NFXL1: variants seen among roughly 807,000 people sequenced by gnomAD.
The protein encoded by NFXL1 is NF-X1-type zinc finger protein NFXL1.
NFXL1 carries 66 observed loss-of-function variants against 123.3 expected under a neutral mutation model. The observed-to-expected ratio is 0.54, with a 90% CI of 0.44 to 0.66. The LOEUF is 0.66. Among genes scored for constraint, NFXL1 ranks in the 30% least tolerant of loss-of-function variants. NFXL1 has a pLI of 0.00. For missense variants in NFXL1, 944 were observed against 1,125.6 expected (o/e 0.84, Z 2.31); for synonymous variants, 346 against 360.8 (o/e 0.96, Z 0.46).
At chr4:47,877,669 C>G (rs1182795796) in intron 17 of NFXL1, among the ~76,000 whole-genome samples, 1 of 151,988 alleles carries the variant, frequency 6.6e-6, no homozygotes, top group Non-Finnish European at 1.5e-5. Flanking sequence ...AAAAGCAATA[C>G]ATTTACACAT....
At position 47,900,345 on chromosome 4, in the gene NFXL1, G is replaced by A. The variant is rs115556747; in HGVS notation, c.648-797C>T. Among the ~76,000 whole-genome samples the A allele has an allele frequency of 4.2e-3, 636 of 152,134 alleles. 4 individuals carry two copies. The highest frequency in any genetic ancestry group is 5.1e-3 in the Non-Finnish European group (344 of 67,996). On this transcript the variant is annotated intron_variant, in intron 5 of 22. Transcript: ENST00000507489. ...GTGCCTCAGTGTCCCAAGTAGCTGC[G>A]AATACAGGTGCACGCCACCACGTCC...
chr4:47,896,291 C>CTTTTA, intron 10 of NFXL1, among the ~76,000 whole-genome samples: 1 of 152,256 alleles, frequency 6.6e-6, no homozygotes, highest in East Asian at 1.9e-4. Flanking sequence ...TACCATAAAC[C>CTTTTA]TTCAATTTAT....
intron 22 of NFXL1, 48 bp from the exon 23 acceptor site, chr4:47,848,384 T>A: frequency 7.3e-6 from 10 of 1,365,862 alleles, no homozygotes; most frequent in Non-Finnish European, 1.0e-5. Context: ...CATACATTGA[T>A]TTGAAAGTTT....
At chr4:47,865,996 CAG>C (rs1282696447) in intron 18 of NFXL1, among the ~76,000 whole-genome samples, 2 of 151,576 alleles carry the variant, frequency 1.3e-5, no homozygotes, top group South Asian at 4.2e-4. Context: ...GTCTGGGAGA[CAG>C]AGAGACACCT....
At chr4:47,859,840 T>C (rs1363466872) in intron 19 of NFXL1, among the ~76,000 whole-genome samples, 2 of 26,946 alleles carry the variant, frequency 7.4e-5, no homozygotes, top group Non-Finnish European at 5.6e-5. Flanking sequence ...AGACTCCATC[T>C]CAAAAAAAAA....
At chr4:47,850,275 T>G (rs1476516122) in intron 22 of NFXL1, among the ~76,000 whole-genome samples, 1 of 152,150 alleles carries the variant, frequency 6.6e-6, no homozygotes, top group South Asian at 2.1e-4. Flanking sequence ...AAAGGTCACC[T>G]TGGCCAACCA....
intron 8 of NFXL1, 54 bp from the exon 9 acceptor site, chr4:47,898,135 G>T: frequency 9.2e-7 from 1 of 1,083,866 alleles, no homozygotes; most frequent in South Asian, 1.4e-5. Flanking sequence ...AACAAAAAAA[G>T]ACTTCATACA....
Position 47,878,520 on chromosome 4 carries a change from A to G in NFXL1, c.2079+5T>C. On this transcript the variant is annotated splice_donor_5th_base_variant and intron_variant, in intron 17 of 22. Transcript: ENST00000507489. ...GCAGATATACATTCAATCTAAGAAC[A>G]TTACCTTGTTTTTTCCAGTGCAGCC... 1 of 1,566,234 alleles carries G rather than the reference A, an allele frequency of 6.4e-7. No homozygotes were observed. The highest frequency in any genetic ancestry group is 8.6e-7 in the Non-Finnish European group (1 of 1,156,988).
At position 47,904,089 on chromosome 4, in the gene NFXL1, C is replaced by G. The variant is rs116173446; in HGVS notation, c.517-766G>C. Reference sequence around the variant, plus strand: ...GTTTGGGTTACCCCCAAAGCGGTATCTAAGAACTTGGATGCAGGAGTAAGG... The same window carrying G: ...GTTTGGGTTACCCCCAAAGCGGTATGTAAGAACTTGGATGCAGGAGTAAGG... On this transcript the variant is annotated intron_variant, in intron 4 of 22. Coordinates refer to ENST00000507489, the MANE Select transcript of NFXL1 (RefSeq NM_001278624.2). Among the ~76,000 whole-genome samples, 590 of 152,218 alleles carry G rather than the reference C, an allele frequency of 3.9e-3. 5 individuals are homozygous for G. Among genetic ancestry groups the G allele is most frequent in the Non-Finnish European group, 4.6e-3 (315 of 68,004 alleles).
chr4:47,891,510 T>A (rs1736768648), intron 11 of NFXL1, among the ~76,000 whole-genome samples: 1 of 152,192 alleles, frequency 6.6e-6, no homozygotes. Context: ...TTCCCTGGTT[T>A]CACAGACACT....
chr4:47,889,295 T>C (rs1053181009), intron 12 of NFXL1, among the ~76,000 whole-genome samples: 10 of 152,054 alleles, frequency 6.6e-5, no homozygotes, highest in African/African-American at 2.4e-4. Flanking sequence ...TAAAAGAAAA[T>C]AAAATCTTTC....
intron 10 of NFXL1, among the ~76,000 whole-genome samples, chr4:47,894,689 T>C (rs1157687887): frequency 6.6e-6 from 1 of 152,054 alleles, no homozygotes. Flanking sequence ...GAATGACACA[T>C]ACAACTTTAA....
intron 18 of NFXL1, among the ~76,000 whole-genome samples, chr4:47,864,374 T>C (rs1734936385): frequency 6.6e-6 from 1 of 152,060 alleles, no homozygotes; most frequent in African/African-American, 2.4e-5. Context: ...GGCATGCCAT[T>C]AAAACTAAAA....
rs778091277 is a variant in NFXL1, at chr4:47,914,185, G to C, written c.19C>G (p.Gln7Glu). The change falls in exon 2 of 23, where the codon CAG becomes GAG. Residue 7 changes from glutamine to glutamate, a missense_variant. By Grantham distance (29) the Gln-to-Glu change is conservative. This residue lies in a region of NFXL1 where 303 missense variants were observed against 292.1 expected (regional missense o/e 1.04). Coordinates refer to ENST00000507489, the MANE Select transcript of NFXL1 (RefSeq NM_001278624.2). ...GATCGGCCTCGGCCACCGGCCACCT[G>C]GCGCCAGGAAGCTTCCATCCCTGCA... MEASWRQVAGGRGRSRG... is the reference protein window; with the variant it reads MEASWREVAGGRGRSRG... 30 of 1,522,200 alleles carry C rather than the reference G, an allele frequency of 2.0e-5. No individual in the cohort carries two copies. Among genetic ancestry groups the C allele is most frequent in the Non-Finnish European group, 1.7e-5 (19 of 1,133,238 alleles). 94.3% of individuals were successfully genotyped at this position (1,522,200 alleles called of 1,614,324 possible). A position where few individuals can be genotyped will look rare whatever the true frequency, so the allele number is the denominator to read the frequency against.
intron 12 of NFXL1, among the ~76,000 whole-genome samples, chr4:47,890,082 T>A (rs1275901072): frequency 1.3e-5 from 2 of 152,006 alleles, no homozygotes; most frequent in African/African-American, 2.4e-5. Context: ...TTATTTTAAT[T>A]TCAAATACAA....
At chr4:47,874,723 T>TA (rs1164397285) in intron 18 of NFXL1, among the ~76,000 whole-genome samples, 6 of 152,128 alleles carry the variant, frequency 3.9e-5, no homozygotes, top group Non-Finnish European at 7.4e-5. Flanking sequence ...CTCCAATTTG[T>TA]AAAAAACTCA....
chr4:47,897,870 A>G, intron 9 of NFXL1, 97 bp downstream of exon 9: 1 of 682,146 alleles, frequency 1.5e-6, no homozygotes, highest in Non-Finnish European at 2.4e-6. Context: ...TTCATTTAGT[A>G]ATATGCACTT....
At position 47,896,550 on chromosome 4, in the gene NFXL1, G is replaced by A. The variant is rs1490144918; in HGVS notation, c.1302C>T (p.His434=). Residue 434 remains histidine (H), a synonymous_variant, in exon 10 of 23, where the codon CAC becomes CAT. Transcript: ENST00000507489. ...CGIHRCSQRC[H]RGPCETCRQE... The stretch of plus-strand genomic sequence containing the variant: ...GTCTACATGTTTCACAGGGACCTCG[G>A]TGACAACGCTGTGAACATCTATGGA... 6.2e-7 allele frequency: 1 copy of A among 1,613,360 alleles called. No individual in the cohort carries two copies. Among genetic ancestry groups the A allele is most frequent in the East Asian group, 2.2e-5 (1 of 44,858 alleles).
chr4:47,882,390 C>T (rs981821380), intron 15 of NFXL1: 1 of 152,140 alleles, frequency 6.6e-6, no homozygotes, highest in Non-Finnish European at 1.5e-5. Flanking sequence ...TCCATTTCTC[C>T]CTTTGGAAAC....
Sources: gnomAD v4.1 joint callset for allele counts (sites outside exome capture counted in the v4.1 genomes callset) on GRCh38, gnomAD v4.1.1 for gene constraint, gnomAD v4.1.1 regional missense constraint, MANE v1.5 for transcripts, NCBI Gene and HGNC (gene_info 2026-07-23, HGNC 2026-07-21) for gene names.